ETV2: variants seen among roughly 807,000 people sequenced by gnomAD.
ETV2 encodes the protein ETS translocation variant 2.
ETV2 carries 34 observed loss-of-function variants against 35.7 expected under a neutral mutation model. The ratio of observed to expected loss-of-function variants is 0.95; its 90% CI spans 0.72 to 1.27. The LOEUF (loss-of-function observed/expected upper bound fraction) is 1.27. ETV2 is among the 50% of genes most tolerant of loss of function. The pLI, the probability that ETV2 is intolerant of heterozygous loss-of-function variation, is 0.00. For synonymous variants in ETV2, 207 were observed against 203.9 expected, an observed-to-expected ratio of 1.02 and a Z score of -0.13; for missense variants, 512 against 470.5, an observed-to-expected ratio of 1.09 and a Z score of -0.82.
chr19:35,643,146 G>A lies in ETV2; in HGVS notation c.235+101G>A. The A allele has an allele frequency of 7.1e-7, 1 of 1,404,456 alleles. No individual in the cohort carries two copies. Among genetic ancestry groups the A allele is most frequent in the South Asian group, 1.3e-5 (1 of 78,850 alleles). The allele number at this position is 1,404,456 out of a possible 1,614,324, so 87.0% of individuals were successfully genotyped here. The stretch of plus-strand genomic sequence containing the variant: ...ATCTTTGAGGACTGAGAACACCTGC[G>A]CCCTCAAGGTGGCATGACCTGGATC... On this transcript the variant is annotated intron_variant, in intron 4 of 6. Transcript: ENST00000402764. The surrounding 1 kb of genome is among the most constrained non-coding windows in gnomAD (Gnocchi z 5.0).
Position 35,643,281 on chromosome 19 carries a change from C to T in ETV2, c.243C>T (p.Asp81=). The part of the protein sequence containing the change: ...HPEVPWGAEP[D]SQALPWSGDW... ...ATCCGTTACTCCTCACAGAGCCCGA[C>T]TCTCAGGCTCTTCCGTGGTCCGGGG... Residue 81 remains aspartate (D), a synonymous_variant, in exon 5 of 7, where the codon GAC becomes GAT. Coordinates refer to ENST00000402764, the MANE Select transcript of ETV2 (RefSeq NM_014209.4). The surrounding 1 kb of genome is among the most constrained non-coding windows in gnomAD (Gnocchi z 5.0). The T allele has an allele frequency of 1.9e-6, 3 of 1,597,802 alleles. No homozygotes were observed. The highest frequency in any genetic ancestry group is 1.7e-6 in the Non-Finnish European group (2 of 1,174,654).
In ETV2 at chr19:35,643,900, C is replaced by A; in HGVS notation, c.715+147C>A. The A allele has an allele frequency of 2.6e-6, 3 of 1,169,612 alleles. No individual in the cohort carries two copies. The highest frequency in any genetic ancestry group is 1.3e-5 in the South Asian group (1 of 74,324). 72.5% of individuals were successfully genotyped at this position (1,169,612 alleles called of 1,614,324 possible). A position where few individuals can be genotyped will look rare whatever the true frequency, so the allele number is the denominator to read the frequency against. On this transcript the variant is annotated intron_variant, in intron 5 of 6. Coordinates refer to ENST00000402764, the MANE Select transcript of ETV2 (RefSeq NM_014209.4). This position sits in a 1 kb window ranked among gnomAD's most constrained non-coding sequence, Gnocchi z 5.0. ...GCTCGAAGGAGGGGCCGGTGGCCCG[C>A]ACTCCAGGTCCTTGGGGAGGAGAGG...
rs1967618374 is a variant in ETV2 at position 35,642,210 on chromosome 19, G to A, written c.-28+54G>A. On this transcript the variant is annotated intron_variant, in intron 1 of 6. Coordinates refer to ENST00000402764, the MANE Select transcript of ETV2 (RefSeq NM_014209.4). The surrounding 1 kb of genome is among the most constrained non-coding windows in gnomAD (Gnocchi z 4.4). ...TGGGTGTCTGGGTTAGGAAGGACCT[G>A]GGGGACTAGACTCCCAAGAAGCCGG... 2 of 406,592 alleles carry A rather than the reference G, an allele frequency of 4.9e-6. No individual in the cohort carries two copies. Among genetic ancestry groups the A allele is most frequent in the East Asian group, 9.1e-5 (2 of 21,982 alleles). 25.2% of individuals were successfully genotyped at this position (406,592 alleles called of 1,614,324 possible).
In ETV2 at chr19:35,643,620, G is replaced by A. The variant is rs1599615534; in HGVS notation, c.582G>A (p.Trp194Ter). 4 of 1,612,246 alleles carry A rather than the reference G, an allele frequency of 2.5e-6. No individual in the cohort carries two copies. The highest frequency in any genetic ancestry group is 3.4e-6 in the Non-Finnish European group (4 of 1,179,252). ...GPAGPDCTTS[W>*]NPGLHAGGTT... The stretch of plus-strand genomic sequence containing the variant: ...CGGGCCCGGACTGTACCACCTCCTG[G>A]AACCCGGGGCTGCATGCGGGTGGCA... Residue 194 changes from tryptophan to a stop codon, truncating the protein, a stop_gained, in exon 5 of 7, where the codon TGG becomes TGA. Coordinates refer to ENST00000402764, the MANE Select transcript of ETV2 (RefSeq NM_014209.4). LOFTEE classifies it high-confidence loss of function. This position sits in a 1 kb window ranked among gnomAD's most constrained non-coding sequence, Gnocchi z 5.0.
In ETV2 at chr19:35,643,079, CT is replaced by C. The variant is rs1967649603; in HGVS notation, c.235+35del. 1.4e-6 allele frequency: 2 copies of C among 1,445,106 alleles called. No individual in the cohort carries two copies. The highest frequency in any genetic ancestry group is 9.4e-7 in the Non-Finnish European group (1 of 1,059,298). 89.5% of individuals were successfully genotyped at this position (1,445,106 alleles called of 1,614,324 possible). ...GGGGAGAGGCGGTGGGAGGTGGGGA[CT>C]GGGGTCCCGAGGCACCGGGGCTAGA... On this transcript the variant is annotated intron_variant, in intron 4 of 6. Transcript: ENST00000402764. The surrounding 1 kb of genome is among the most constrained non-coding windows in gnomAD (Gnocchi z 5.0).
chr19:35,643,437 C>G lies in ETV2; in HGVS notation c.399C>G (p.Val133=). The G allele has an allele frequency of 3.2e-6, 5 of 1,546,536 alleles. No individual in the cohort carries two copies. The highest frequency in any genetic ancestry group is 4.4e-6 in the Non-Finnish European group (5 of 1,145,506). ...GSEGAAGQNC[V]PVAGEATSWS... ...AAGGCGCCGCGGGCCAGAACTGCGT[C>G]CCCGTGGCGGGAGAGGCCACCTCGT... Residue 133 remains valine (V), a synonymous_variant, in exon 5 of 7, where the codon GTC becomes GTG. Coordinates refer to ENST00000402764, the MANE Select transcript of ETV2 (RefSeq NM_014209.4). The surrounding 1 kb of genome is among the most constrained non-coding windows in gnomAD (Gnocchi z 5.0).
In ETV2 at chr19:35,644,490, C is replaced by T; in HGVS notation, c.828+143C>T. On this transcript the variant is annotated intron_variant, in intron 6 of 6. Coordinates refer to ENST00000402764, the MANE Select transcript of ETV2 (RefSeq NM_014209.4). This position sits in a 1 kb window ranked among gnomAD's most constrained non-coding sequence, Gnocchi z 4.7. The stretch of plus-strand genomic sequence containing the variant: ...GAGGCCCCGCCCAACCCTTCTCAAA[C>T]CCAATCTCCCGCCTGTACTCCTGCC... 1 of 907,662 alleles carries T rather than the reference C, an allele frequency of 1.1e-6. No individual in the cohort carries two copies. The highest frequency in any genetic ancestry group is 1.7e-6 in the Non-Finnish European group (1 of 597,790). The allele number at this position is 907,662 out of a possible 1,614,324, so 56.2% of individuals were successfully genotyped here.
Position 35,642,609 on chromosome 19 carries a change from C to A in ETV2, c.71-6C>A. 6.2e-7 allele frequency: 1 copy of A among 1,610,964 alleles called. No homozygotes were observed. Among genetic ancestry groups the A allele is most frequent in the Non-Finnish European group, 8.5e-7 (1 of 1,178,588 alleles). ...TCTGCTGACCCTAACCCCTTATCGC[C>A]TGCAGAAGGAGCCAAATTAGGCTTC... On this transcript the variant is annotated splice_region_variant and splice_polypyrimidine_tract_variant and intron_variant, in intron 2 of 6. Transcript: ENST00000402764. The surrounding 1 kb of genome is among the most constrained non-coding windows in gnomAD (Gnocchi z 4.4).
chr19:35,642,717 C>A lies in ETV2; in HGVS notation c.154+19C>A. ...TGGAAAGGTGGCTGCGGGCTGGGAC[C>A]CCTAAGTGCTGGAGAAGAAGCGGGG... On this transcript the variant is annotated intron_variant, in intron 3 of 6. Coordinates refer to ENST00000402764, the MANE Select transcript of ETV2 (RefSeq NM_014209.4). The surrounding 1 kb of genome is among the most constrained non-coding windows in gnomAD (Gnocchi z 4.4). 2 of 1,555,058 alleles carry A rather than the reference C, an allele frequency of 1.3e-6. No homozygotes were observed. Among genetic ancestry groups the A allele is most frequent in the Non-Finnish European group, 1.8e-6 (2 of 1,141,448 alleles).
At position 35,642,581 on chromosome 19, in the gene ETV2, G is replaced by C. The variant is rs758318882; in HGVS notation, c.71-34G>C. On this transcript the variant is annotated intron_variant, in intron 2 of 6. Coordinates refer to ENST00000402764, the MANE Select transcript of ETV2 (RefSeq NM_014209.4). The surrounding 1 kb of genome is among the most constrained non-coding windows in gnomAD (Gnocchi z 4.4). ...TGTGTGGGGAGGGTGTCCAGGTGGGGCCTCTGCTGACCCTAACCCCTTATC... is the reference window on the plus strand; with the variant it reads ...TGTGTGGGGAGGGTGTCCAGGTGGGCCCTCTGCTGACCCTAACCCCTTATC... The C allele has an allele frequency of 6.2e-7, 1 of 1,612,828 alleles. No individual in the cohort carries two copies. The highest frequency in any genetic ancestry group is 8.5e-7 in the Non-Finnish European group (1 of 1,179,444).
Position 35,642,831 on chromosome 19 carries a change from G to A in ETV2, c.154+133G>A. 2 of 1,001,486 alleles carry A rather than the reference G, an allele frequency of 2.0e-6. No individual in the cohort carries two copies. The highest frequency in any genetic ancestry group is 1.4e-5 in the South Asian group (1 of 72,276). The allele number at this position is 1,001,486 out of a possible 1,614,324, so 62.0% of individuals were successfully genotyped here. ...AGGGGCCGCGTGCTTGACCCCTGAG[G>A]GTGAAGGAAAAGGGGGCGCGGGGTG... On this transcript the variant is annotated intron_variant, in intron 3 of 6. Coordinates refer to ENST00000402764, the MANE Select transcript of ETV2 (RefSeq NM_014209.4). The surrounding 1 kb of genome is among the most constrained non-coding windows in gnomAD (Gnocchi z 4.4).
rs781194637 is a variant in ETV2, at chr19:35,643,369, C to G, written c.331C>G (p.Pro111Ala). 10 of 1,572,050 alleles carry G rather than the reference C, an allele frequency of 6.4e-6. No homozygotes were observed. In the African/African-American group the frequency reaches 1.2e-4, roughly 19 times the overall value. ...GAGCGGCGCCTCGCAGACCCTGGGC[C>G]CCGCCCCTCTCGGCCCGGGCCCCAT... ...SWSGASQTLGPAPLGPGPIPA... is the reference protein window; with the variant it reads ...SWSGASQTLGAAPLGPGPIPA... The change falls in exon 5 of 7, where the codon CCC (proline) becomes GCC (alanine). Residue 111 changes from proline to alanine, a missense_variant. Transcript: ENST00000402764. The surrounding 1 kb of genome is among the most constrained non-coding windows in gnomAD (Gnocchi z 5.0).
In ETV2 at chr19:35,644,407, C is replaced by A; in HGVS notation, c.828+60C>A. 1 of 1,200,704 alleles carries A rather than the reference C, an allele frequency of 8.3e-7. No homozygotes were observed. Among genetic ancestry groups the A allele is most frequent in the Non-Finnish European group, 1.2e-6 (1 of 834,788 alleles). The allele number at this position is 1,200,704 out of a possible 1,614,324, so 74.4% of individuals were successfully genotyped here. On this transcript the variant is annotated intron_variant, in intron 6 of 6. Transcript: ENST00000402764. This position sits in a 1 kb window ranked among gnomAD's most constrained non-coding sequence, Gnocchi z 4.7. ...CGTCTCTTCTAGTTCAATTTAGCTC[C>A]GCCCAAGGGCTAGGTTCAACCGCGT...
At position 35,644,426 on chromosome 19, in the gene ETV2, AC is replaced by A; in HGVS notation, c.828+81del. On this transcript the variant is annotated intron_variant, in intron 6 of 6. Transcript: ENST00000402764. The surrounding 1 kb of genome is among the most constrained non-coding windows in gnomAD (Gnocchi z 4.7). ...TAGCTCCGCCCAAGGGCTAGGTTCA[AC>A]CGCGTAGCCCTCGGCCCCGCCGCTC... The A allele has an allele frequency of 9.4e-7, 1 of 1,067,692 alleles. No homozygotes were observed. Among genetic ancestry groups the A allele is most frequent in the South Asian group, 1.4e-5 (1 of 70,632 alleles). 66.1% of individuals were successfully genotyped at this position (1,067,692 alleles called of 1,614,324 possible). A position where few individuals can be genotyped will look rare whatever the true frequency, so the allele number is the denominator to read the frequency against.
Position 35,642,526 on chromosome 19 carries a change from G to A in ETV2, c.66G>A (p.Gly22=). Residue 22 remains glycine, a synonymous_variant, in exon 2 of 7, where the codon GGG becomes GGA. Transcript: ENST00000402764. The surrounding 1 kb of genome is among the most constrained non-coding windows in gnomAD (Gnocchi z 4.4). The stretch of plus-strand genomic sequence containing the variant: ...TGCCTCCAGGGAACAAGCTGGCAGG[G>A]CTTGGTAGGCTGCCGAGGCTGCCAC... ...QEVPPGNKLA[G]LEGAKLGFCF... is the part of the protein sequence containing the mutation. 1 of 1,613,564 alleles carries A rather than the reference G, an allele frequency of 6.2e-7. No homozygotes were observed. The highest frequency in any genetic ancestry group is 8.5e-7 in the Non-Finnish European group (1 of 1,179,700).
Position 35,643,201 on chromosome 19 carries a change from T to G in ETV2, c.236-73T>G. 1.3e-6 allele frequency: 2 copies of G among 1,528,960 alleles called. No individual in the cohort carries two copies. The highest frequency in any genetic ancestry group is 1.8e-6 in the Non-Finnish European group (2 of 1,140,532). The allele number at this position is 1,528,960 out of a possible 1,614,324, so 94.7% of individuals were successfully genotyped here. On this transcript the variant is annotated intron_variant, in intron 4 of 6. Coordinates refer to ENST00000402764, the MANE Select transcript of ETV2 (RefSeq NM_014209.4). This position sits in a 1 kb window ranked among gnomAD's most constrained non-coding sequence, Gnocchi z 5.0. ...TCAGCCGGGCCCCAAGTGCCAGGGT[T>G]GAGAGCTTAGACCCTAGAGTTTTTG...
Position 35,642,853 on chromosome 19 carries a change from G to A in ETV2, c.155-112G>A. 2 of 970,874 alleles carry A rather than the reference G, an allele frequency of 2.1e-6. No individual in the cohort carries two copies. The highest frequency in any genetic ancestry group is 3.2e-6 in the Non-Finnish European group (2 of 623,302). The allele number at this position is 970,874 out of a possible 1,614,324, so 60.1% of individuals were successfully genotyped here. ...GAGGGTGAAGGAAAAGGGGGCGCGG[G>A]GTGCTGAAATACGGGCTGGGGGGCC... On this transcript the variant is annotated intron_variant, in intron 3 of 6. Transcript: ENST00000402764. The surrounding 1 kb of genome is among the most constrained non-coding windows in gnomAD (Gnocchi z 4.4).
At position 35,643,554 on chromosome 19, in the gene ETV2, G is replaced by C. The variant is rs755304203; in HGVS notation, c.516G>C (p.Gly172=). Reference sequence around the variant, plus strand: ...CCTACTGGGGCAGTGGCCTGGGCGGGGAGCCGCGCACGGACTGTACCATTT... The same window carrying C: ...CCTACTGGGGCAGTGGCCTGGGCGGCGAGCCGCGCACGGACTGTACCATTT... ...GDTYWGSGLG[G]EPRTDCTISW... is the part of the protein sequence containing the mutation. The change falls in exon 5 of 7, where the codon GGG becomes GGC. Residue 172 remains glycine, a synonymous_variant. Coordinates refer to ENST00000402764, the MANE Select transcript of ETV2 (RefSeq NM_014209.4). The surrounding 1 kb of genome is among the most constrained non-coding windows in gnomAD (Gnocchi z 5.0). 1.1e-5 allele frequency: 17 copies of C among 1,558,464 alleles called. No individual in the cohort carries two copies. In the African/African-American group the frequency reaches 2.0e-4, roughly 19 times the overall value.
In ETV2 at chr19:35,643,410, C is replaced by T. The variant is rs533272713; in HGVS notation, c.372C>T (p.Ser124=). ...LGPGPIPAAG[S]EGAAGQNCVP... ...CGGGCCCCATCCCCGCCGCCGGCTC[C>T]GAAGGCGCCGCGGGCCAGAACTGCG... Residue 124 remains serine, a synonymous_variant, in exon 5 of 7, where the codon TCC becomes TCT. Coordinates refer to ENST00000402764, the MANE Select transcript of ETV2 (RefSeq NM_014209.4). The surrounding 1 kb of genome is among the most constrained non-coding windows in gnomAD (Gnocchi z 5.0). The T allele has an allele frequency of 9.1e-6, 14 of 1,543,870 alleles. No homozygotes were observed. The Admixed American group carries it at 2.0e-4, about 22-fold the overall frequency.
Sources: gnomAD v4.1 joint callset for allele counts on GRCh38, gnomAD v4.1.1 for gene constraint, Gnocchi (gnomAD v3.1) non-coding constraint, MANE v1.5 for transcripts, NCBI Gene and HGNC (gene_info 2026-07-23, HGNC 2026-07-21) for gene names.